CLDN11: variants seen among roughly 807,000 people sequenced by gnomAD.
The protein encoded by CLDN11 is claudin 11.
A neutral mutation model predicts 18.0 loss-of-function variants in CLDN11; 1 was observed. The observed-to-expected ratio is 0.06, with a 90% CI of 0.02 to 0.26. The LOEUF is 0.26. Ranked by LOEUF, CLDN11 falls within the 10% of genes least tolerant of loss-of-function variation. The pLI is 1.00. For synonymous variants in CLDN11, 116 were observed against 121.5 expected (o/e 0.96, Z 0.30); for missense variants, 172 against 276.6 (o/e 0.62, Z 2.68).
chr3:170,425,327 T>TG (rs1446257234), intron 2 of CLDN11, among the ~76,000 whole-genome samples: 1 of 152,142 alleles, frequency 6.6e-6, no homozygotes, highest in Non-Finnish European at 1.5e-5. Flanking sequence ...GTGCTCATGT[T>TG]TAGAAATTCT....
chr3:170,423,309 G>A lies in CLDN11; in HGVS notation c.373G>A (p.Val125Ile), dbSNP rs1163547305. 39 of 1,614,036 alleles carry A rather than the reference G, an allele frequency of 2.4e-5. No individual in the cohort carries two copies. The highest frequency in any genetic ancestry group is 3.0e-5 in the Non-Finnish European group (35 of 1,180,036). The part of the protein sequence containing the change: ...AKYRRAQLAG[V>I]LLILLALCAL... Reference sequence around the variant, plus strand: ...GTACAGGCGGGCCCAGCTGGCTGGTGTTTTGCTCATTCTGCTGGGTAAGAC... The same window carrying A: ...GTACAGGCGGGCCCAGCTGGCTGGTATTTTGCTCATTCTGCTGGGTAAGAC... Residue 125 changes from valine to isoleucine, a missense_variant, in exon 2 of 3, where the codon GTT becomes ATT. By Grantham distance (29) the Val-to-Ile change is conservative. This residue lies in a region of CLDN11 where 161 missense variants were observed against 240.3 expected (regional missense o/e 0.67). Coordinates refer to ENST00000064724, the MANE Select transcript of CLDN11 (RefSeq NM_005602.6).
rs545304885 is a variant in CLDN11, at chr3:170,419,696, C to T, written c.226+404C>T. Among the ~76,000 whole-genome samples the T allele has an allele frequency of 3.7e-4, 56 of 152,376 alleles. 1 individual carries two copies. In the South Asian group the frequency reaches 9.7e-3, roughly 26 times the overall value. On this transcript the variant is annotated intron_variant, in intron 1 of 2. Coordinates refer to ENST00000064724, the MANE Select transcript of CLDN11 (RefSeq NM_005602.6). The surrounding 1 kb of genome is among the most constrained non-coding windows in gnomAD (Gnocchi z 8.6). ...CCGAGCCTTCGCGTTAGGTTCCGCC[C>T]GCAGAGGTGAGAAGGAGCGTGTAAC...
chr3:170,431,113 G>A (rs1393613123), intron 2 of CLDN11, among the ~76,000 whole-genome samples: 1 of 151,924 alleles, frequency 6.6e-6, no homozygotes, highest in East Asian at 1.9e-4. Context: ...TTTCAAAATG[G>A]GTAAGACCAA....
intron 2 of CLDN11, among the ~76,000 whole-genome samples, chr3:170,424,687 C>T (rs758877048): frequency 3.3e-5 from 5 of 152,292 alleles, no homozygotes; most frequent in South Asian, 2.1e-4. Flanking sequence ...TCACCTTCTT[C>T]TGAAACAAGG....
At position 170,432,805 on chromosome 3, in the gene CLDN11, G is replaced by C. The variant is rs774587448; in HGVS notation, c.*49G>C. Reference sequence around the variant, plus strand: ...AGGTGCTGTAGATGCTGGGCCCAGGGCCCTAGGTTTGCTCGTCACAGTGTG... The same window carrying C: ...AGGTGCTGTAGATGCTGGGCCCAGGCCCCTAGGTTTGCTCGTCACAGTGTG... On this transcript the variant is annotated 3_prime_UTR_variant, in exon 3 of 3. Coordinates refer to ENST00000064724, the MANE Select transcript of CLDN11 (RefSeq NM_005602.6). The C allele has an allele frequency of 6.4e-7, 1 of 1,574,336 alleles. No individual in the cohort carries two copies. The highest frequency in any genetic ancestry group is 8.7e-7 in the Non-Finnish European group (1 of 1,144,278).
At chr3:170,427,457 A>G (rs980681425) in intron 2 of CLDN11, among the ~76,000 whole-genome samples, 1 of 152,116 alleles carries the variant, frequency 6.6e-6, no homozygotes, top group Non-Finnish European at 1.5e-5. Flanking sequence ...CCCTGTCTCT[A>G]CTTAAAATAT....
rs892177631 is a variant in CLDN11 at position 170,434,243 on chromosome 3, A to G, written c.*1487A>G. On this transcript the variant is annotated 3_prime_UTR_variant, in exon 3 of 3. Transcript: ENST00000064724. Reference sequence around the variant, plus strand: ...CATTGCCTTGAATAATTAAAAAGTTATATTTTATTCACGGTATTGCAGTGG... The same window carrying G: ...CATTGCCTTGAATAATTAAAAAGTTGTATTTTATTCACGGTATTGCAGTGG... 3.3e-5 allele frequency: 5 copies of G among 152,634 alleles called. No homozygotes were observed. Among genetic ancestry groups the G allele is most frequent in the African/African-American group, 4.8e-5 (2 of 41,474 alleles). 9.5% of individuals were successfully genotyped at this position (152,634 alleles called of 1,614,324 possible).
Position 170,421,263 on chromosome 3 carries a change from C to G in CLDN11, c.227-1900C>G, listed in dbSNP as rs577742215. ...CTATCTTTTGGTGTCCGGACATGGC[C>G]TTGGCACTGTAGCATGTGGACAGCC... On this transcript the variant is annotated intron_variant, in intron 1 of 2. Transcript: ENST00000064724. 70 of 985,686 alleles carry G rather than the reference C, an allele frequency of 7.1e-5. 1 individual carries two copies. In the South Asian group the frequency reaches 3.0e-3, roughly 42 times the overall value. The allele number at this position is 985,686 out of a possible 1,614,324, so 61.1% of individuals were successfully genotyped here. A position where few individuals can be genotyped will look rare whatever the true frequency, so the allele number is the denominator to read the frequency against.
chr3:170,432,014 A>G (rs1739014367), intron 2 of CLDN11, among the ~76,000 whole-genome samples: 1 of 152,218 alleles, frequency 6.6e-6, no homozygotes, highest in African/African-American at 2.4e-5. Flanking sequence ...TGTTTCTCAT[A>G]TTTGAATAGC....
chr3:170,423,618 A>T (rs896621639), intron 2 of CLDN11: 15 of 380,570 alleles, frequency 3.9e-5, no homozygotes, highest in Middle Eastern at 7.7e-4. Flanking sequence ...AAGCCTTCTC[A>T]GTCTTCACAG....
At chr3:170,427,229 T>C (rs1022241924) in intron 2 of CLDN11, among the ~76,000 whole-genome samples, 2 of 152,222 alleles carry the variant, frequency 1.3e-5, no homozygotes, top group African/African-American at 4.8e-5. Flanking sequence ...AGATAGCATA[T>C]CAAGAAAGAT....
intron 2 of CLDN11, among the ~76,000 whole-genome samples, chr3:170,427,788 G>A (rs1224460356): frequency 7.0e-6 from 1 of 143,032 alleles, no homozygotes; most frequent in East Asian, 2.0e-4. Flanking sequence ...CAGCCTGGGC[G>A]ACAGAGTGAG....
intron 2 of CLDN11, among the ~76,000 whole-genome samples, chr3:170,431,524 C>T (rs1324900026): frequency 6.6e-6 from 1 of 152,188 alleles, no homozygotes; most frequent in Non-Finnish European, 1.5e-5. Flanking sequence ...CTTCATCTCA[C>T]TAGCCTCATG....
intron 1 of CLDN11, among the ~76,000 whole-genome samples, chr3:170,420,604 TG>T (rs1738701186): frequency 6.6e-6 from 1 of 152,230 alleles, no homozygotes. Flanking sequence ...AAGATAGAGA[TG>T]GCGTCCTGTT....
chr3:170,418,876 T>G lies in CLDN11; in HGVS notation c.-191T>G, dbSNP rs1278971713. The stretch of plus-strand genomic sequence containing the variant: ...GGGGCGCGCTGCCCAGCAGCGCTGC[T>G]GTCCCCGCCGTGCGCCCTTCGCCGC... On this transcript the variant is annotated 5_prime_UTR_variant, in exon 1 of 3. Transcript: ENST00000064724. The surrounding 1 kb of genome is among the most constrained non-coding windows in gnomAD (Gnocchi z 4.3). The G allele has an allele frequency of 9.3e-6, 5 of 534,960 alleles. No individual in the cohort carries two copies. In the East Asian group the frequency reaches 1.3e-4, roughly 14 times the overall value. 33.1% of individuals were successfully genotyped at this position (534,960 alleles called of 1,614,324 possible). A position where few individuals can be genotyped will look rare whatever the true frequency, so the allele number is the denominator to read the frequency against.
intron 2 of CLDN11, among the ~76,000 whole-genome samples, chr3:170,425,095 G>A (rs1002305793): frequency 3.3e-5 from 5 of 152,150 alleles, no homozygotes; most frequent in African/African-American, 1.2e-4. Context: ...ACTCACAGGG[G>A]CTCCCTCTTG....
intron 1 of CLDN11, among the ~76,000 whole-genome samples, chr3:170,422,920 G>A (rs138563477): frequency 2.9e-3 from 444 of 152,330 alleles, no homozygotes; most frequent in Middle Eastern, 0.017. Context: ...CTCCATCCTG[G>A]AAGCTTGGCC....
intron 1 of CLDN11, among the ~76,000 whole-genome samples, chr3:170,422,211 A>G (rs1393250104): frequency 1.3e-5 from 2 of 152,206 alleles, no homozygotes; most frequent in African/African-American, 4.8e-5. Flanking sequence ...GAATGAAAGC[A>G]CATGGTTAGG....
At position 170,420,433 on chromosome 3, in the gene CLDN11, T is replaced by C. The variant is rs565280807; in HGVS notation, c.226+1141T>C. ...GACTGTGCTCGCCCCTTAAGCCTCC[T>C]CCAAGCACGCCCTATTTCCGGTCCT... On this transcript the variant is annotated intron_variant, in intron 1 of 2. Coordinates refer to ENST00000064724, the MANE Select transcript of CLDN11 (RefSeq NM_005602.6). 2.8e-4 allele frequency among the ~76,000 whole-genome samples: 43 copies of C among 152,294 alleles called. 1 individual carries two copies. In the South Asian group the frequency reaches 8.7e-3, roughly 31 times the overall value.
Sources: allele counts gnomAD v4.1 joint callset (sites outside exome capture counted in the v4.1 genomes callset), GRCh38; gene constraint gnomAD v4.1.1; regional missense constraint gnomAD v4.1.1; non-coding constraint Gnocchi (gnomAD v3.1); transcripts MANE v1.5; gene names NCBI Gene and HGNC (gene_info 2026-07-23, HGNC 2026-07-21).